PHF24: variants seen among roughly 807,000 people sequenced by gnomAD.
PHF24 encodes the protein Galpha inhibitory interacting protein.
PHF24 carries 25 observed loss-of-function variants against 42.6 expected under a neutral mutation model. The observed-to-expected ratio is 0.59, with a 90% confidence interval of 0.43 to 0.82. The LOEUF (loss-of-function observed/expected upper bound fraction) is 0.82. Among genes scored for constraint, PHF24 ranks in the 40% least tolerant of loss-of-function variants. The pLI is 0.00. For synonymous variants in PHF24, 185 were observed against 204.8 expected (o/e 0.90, Z 0.83); for missense variants, 470 against 538.1 (o/e 0.87, Z 1.25).
At chr9:34,927,813 G>A in the PHF24 span, among the ~76,000 whole-genome samples, 5 of 152,102 alleles carry the variant, frequency 3.3e-5, no homozygotes, top group Non-Finnish European at 7.4e-5. Context: ...TTTATTCATT[G>A]TGTTGGGCCT....
chr9:34,880,256 G>T, the PHF24 span, among the ~76,000 whole-genome samples: 1 of 152,186 alleles, frequency 6.6e-6, no homozygotes, highest in Non-Finnish European at 1.5e-5. Context: ...GTGCCAAATT[G>T]TAAAGACCAT....
the PHF24 span, among the ~76,000 whole-genome samples, chr9:34,733,101 A>T: frequency 6.6e-6 from 1 of 152,166 alleles, no homozygotes; most frequent in East Asian, 1.9e-4. Context: ...GATATTGCAT[A>T]ATTGCCTACC....
At chr9:34,712,443 T>A in the PHF24 span, among the ~76,000 whole-genome samples, 1 of 152,188 alleles carries the variant, frequency 6.6e-6, no homozygotes, top group Non-Finnish European at 1.5e-5. Context: ...TTTGATGGTA[T>A]CCCTGAGGCT....
chr9:34,952,628 A>G (rs1222300509), upstream of PHF24, among the ~76,000 whole-genome samples: 1 of 152,212 alleles, frequency 6.6e-6, no homozygotes, highest in Admixed American at 6.5e-5. Context: ...AAGCTATACT[A>G]ATGAAGATGA....
chr9:34,810,143 G>A, the PHF24 span, among the ~76,000 whole-genome samples: 16 of 152,106 alleles, frequency 1.1e-4, no homozygotes, highest in African/African-American at 3.9e-4. Context: ...AGAGTCCGCC[G>A]GCCCCGGACG....
chr9:34,717,037 G>A, the PHF24 span, among the ~76,000 whole-genome samples: 1 of 152,186 alleles, frequency 6.6e-6, no homozygotes, highest in African/African-American at 2.4e-5. Context: ...GCACAGAGTG[G>A]CCCCTGCAGC....
chr9:34,768,752 A>G, the PHF24 span, among the ~76,000 whole-genome samples: 1 of 152,180 alleles, frequency 6.6e-6, no homozygotes, highest in South Asian at 2.1e-4. Context: ...TGGAGTGAGC[A>G]ACACAACTGG....
chr9:34,903,728 A>G, the PHF24 span, among the ~76,000 whole-genome samples: 1 of 152,190 alleles, frequency 6.6e-6, no homozygotes, highest in Non-Finnish European at 1.5e-5. Context: ...CAGCCCAGTG[A>G]CACTAGCACC....
At chr9:34,694,417 G>A in the PHF24 span, among the ~76,000 whole-genome samples, 160 of 151,754 alleles carry the variant, frequency 1.1e-3, 1 homozygote, top group East Asian at 3.1e-3. Flanking sequence ...TGCAACCTCC[G>A]CCTCCTGGGT....
the PHF24 span, among the ~76,000 whole-genome samples, chr9:34,831,846 A>C: frequency 6.6e-6 from 1 of 152,196 alleles, no homozygotes; most frequent in Non-Finnish European, 1.5e-5. Flanking sequence ...AGGCTCCAAG[A>C]TGGATTTTCT....
chr9:34,684,624 A>G, the PHF24 span, among the ~76,000 whole-genome samples: 1 of 152,226 alleles, frequency 6.6e-6, no homozygotes, highest in Non-Finnish European at 1.5e-5. Flanking sequence ...GGGTTCCTCA[A>G]CTGATGAGCA....
At chr9:34,680,084 A>G in the PHF24 span, among the ~76,000 whole-genome samples, 4 of 152,020 alleles carry the variant, frequency 2.6e-5, no homozygotes, top group Admixed American at 6.6e-5. Flanking sequence ...GCAATAGAAA[A>G]CCAATACAAG....
At chr9:34,909,770 C>T in the PHF24 span, among the ~76,000 whole-genome samples, 4 of 152,016 alleles carry the variant, frequency 2.6e-5, no homozygotes, top group African/African-American at 4.8e-5. Flanking sequence ...TACAGGCATC[C>T]GCCACCATGC....
chr9:34,972,459 C>T (rs1310364641), exon 3 of PHF24: 1 of 1,614,174 alleles, frequency 6.2e-7, no homozygotes, highest in Admixed American at 1.7e-5. Flanking sequence ...GCATGGGCTA[C>T]ATCCAAGGAG....
the PHF24 span, among the ~76,000 whole-genome samples, chr9:34,745,034 G>A: frequency 6.6e-6 from 1 of 152,160 alleles, no homozygotes; most frequent in African/African-American, 2.4e-5. Flanking sequence ...AGGCTTGGGC[G>A]GAAGCTGCTA....
At chr9:34,678,640 T>C in the PHF24 span, among the ~76,000 whole-genome samples, 1 of 150,996 alleles carries the variant, frequency 6.6e-6, no homozygotes, top group Admixed American at 6.6e-5. Flanking sequence ...TTTCTTTTTC[T>C]TTTTTTTTGA....
At chr9:34,963,198 CAAT>C (rs1826651509) in intron 1 of PHF24, among the ~76,000 whole-genome samples, 2 of 150,546 alleles carry the variant, frequency 1.3e-5, no homozygotes, top group East Asian at 3.9e-4. Context: ...CACTGGAGAA[CAAT>C]CGGACCCCTC....
At chr9:34,727,058 G>A in the PHF24 span, 1 of 1,496,002 alleles carries the variant, frequency 6.7e-7, no homozygotes, top group Non-Finnish European at 8.9e-7. Flanking sequence ...GTGGGCTGGA[G>A]TGGGCACTCT....
the PHF24 span, among the ~76,000 whole-genome samples, chr9:34,940,548 T>C: frequency 6.6e-6 from 1 of 152,062 alleles, no homozygotes; most frequent in Non-Finnish European, 1.5e-5. Flanking sequence ...GGCCAGGAGT[T>C]TTAAGACCAG....
Sources: gnomAD v4.1 joint callset for allele counts (sites outside exome capture counted in the v4.1 genomes callset) on GRCh38, gnomAD v4.1.1 for gene constraint, MANE v1.5 for transcripts, NCBI Gene and HGNC (gene_info 2026-07-23, HGNC 2026-07-21) for gene names.